The following CTNNA3 variants were observed in gnomAD, a reference collection of about 807,000 sequenced individuals.
The protein encoded by CTNNA3 is catenin alpha 3.
Under a neutral mutation model 95.7 loss-of-function variants are expected in CTNNA3, and 76 were observed. The observed-to-expected ratio is 0.79, with a 90% CI of 0.66 to 0.96. CTNNA3 has a LOEUF of 0.96. CTNNA3 is among the 40% of genes least tolerant of loss of function. The pLI is 0.00. For synonymous variants in CTNNA3, 431 were observed against 374.4 expected (o/e 1.15, Z -1.74); for missense variants, 1,191 against 1,089.8 (o/e 1.09, Z -1.31).
chr10:67,581,204 ATAGCTAT>A (rs2133319669), intron 3 of CTNNA3, among the ~76,000 whole-genome samples: 1 of 152,262 alleles, frequency 6.6e-6, no homozygotes, highest in South Asian at 2.1e-4. Context: ...TTTCTCATAA[ATAGCTAT>A]TATTATTTTG....
chr10:65,999,846 G>A (rs72791426), intron 15 of CTNNA3, among the ~76,000 whole-genome samples: 4,796 of 151,116 alleles, frequency 0.032, 94 homozygotes, highest in Non-Finnish European at 0.047. Flanking sequence ...AAGACCTAGA[G>A]AAGAAAGGGT....
chr10:66,177,072 A>G (rs181976099), intron 13 of CTNNA3, among the ~76,000 whole-genome samples: 1 of 152,148 alleles, frequency 6.6e-6, no homozygotes, highest in African/African-American at 2.4e-5. Flanking sequence ...TAACACTCAC[A>G]ATGCAGAATA....
At chr10:67,741,076 G>A (rs1470473298) in intron 1 of CTNNA3, among the ~76,000 whole-genome samples, 4 of 150,858 alleles carry the variant, frequency 2.7e-5, no homozygotes, top group East Asian at 1.9e-4. Flanking sequence ...AACAAACACC[G>A]CATATTCTCA....
rs1841328903 is a variant in CTNNA3 at position 67,740,384 on chromosome 10, G to A, written c.-2+23050C>T. Among the ~76,000 whole-genome samples, 2 of 151,402 alleles carry A rather than the reference G, an allele frequency of 1.3e-5. 1 individual carries two copies. The highest frequency in any genetic ancestry group is 1.3e-4 in the Admixed American group (2 of 15,166). On this transcript the variant is annotated intron_variant, in intron 1 of 17. Transcript: ENST00000684154. ...GAGTGAACAGGCAACCCACAAAATG[G>A]GAGAAAATTTTCACAGCCTGCTCAT...
At chr10:66,137,678 T>C (rs1486527059) in intron 13 of CTNNA3, among the ~76,000 whole-genome samples, 1 of 152,080 alleles carries the variant, frequency 6.6e-6, no homozygotes, top group Non-Finnish European at 1.5e-5. Context: ...CTGGGTTTGG[T>C]GCCTCATGCC....
intron 12 of CTNNA3, among the ~76,000 whole-genome samples, chr10:66,307,767 A>AT: frequency 6.6e-6 from 1 of 152,300 alleles, no homozygotes; most frequent in Admixed American, 6.5e-5. Flanking sequence ...CTGATAATTC[A>AT]TTTTTTGACA....
At chr10:66,436,501 C>CTTTTTTTTTTTTTTTTTTTTTT (rs34165061) in intron 11 of CTNNA3, among the ~76,000 whole-genome samples, 4 of 60,370 alleles carry the variant, frequency 6.6e-5, no homozygotes, top group Admixed American at 2.0e-4. Context: ...ACAATCCCTG[C>CTTTTTTTTTTTTTTTTTTTTTT]TTTTTTTTTT....
chr10:67,369,448 T>G (rs1337107042), intron 5 of CTNNA3, among the ~76,000 whole-genome samples: 1 of 152,202 alleles, frequency 6.6e-6, no homozygotes, highest in African/African-American at 2.4e-5. Flanking sequence ...CTTTTCAACC[T>G]TGGGCCTGCG....
intron 15 of CTNNA3, among the ~76,000 whole-genome samples, chr10:66,033,294 C>G (rs1221306308): frequency 6.6e-6 from 1 of 151,764 alleles, no homozygotes; most frequent in Non-Finnish European, 1.5e-5. Context: ...CCACGCCCGG[C>G]TAATTTTGTT....
intron 7 of CTNNA3, among the ~76,000 whole-genome samples, chr10:67,148,238 A>G (rs1860930755): frequency 6.6e-6 from 1 of 152,244 alleles, no homozygotes; most frequent in Non-Finnish European, 1.5e-5. Context: ...TGCCATTCTC[A>G]TTGCATACAG....
chr10:67,047,644 A>G (rs1379089963), intron 7 of CTNNA3, among the ~76,000 whole-genome samples: 2 of 152,114 alleles, frequency 1.3e-5, no homozygotes, highest in Non-Finnish European at 2.9e-5. Flanking sequence ...AGTTGCTACT[A>G]TATATTTATG....
At chr10:66,550,503 A>G (rs1842181963) in intron 10 of CTNNA3, among the ~76,000 whole-genome samples, 1 of 152,094 alleles carries the variant, frequency 6.6e-6, no homozygotes. Flanking sequence ...TCATTTACAT[A>G]TTTTCTATGA....
At chr10:66,684,947 A>T (rs1468673046) in intron 9 of CTNNA3, among the ~76,000 whole-genome samples, 1 of 151,738 alleles carries the variant, frequency 6.6e-6, no homozygotes, top group Non-Finnish European at 1.5e-5. Flanking sequence ...CATTTATTTT[A>T]AAAATAAGTG....
Position 66,595,192 on chromosome 10 carries a change from A to T in CTNNA3, c.1374+26500T>A, listed in dbSNP as rs1326501214. ...ACAACCAAAATCCAAGAATAGACGC[A>T]TTAAAAAGCACAAGAAAAACAATTT... On this transcript the variant is annotated intron_variant, in intron 10 of 17. Coordinates refer to ENST00000433211, the MANE Select transcript of CTNNA3 (RefSeq NM_013266.4). Among the ~76,000 whole-genome samples, 3 of 152,222 alleles carry T rather than the reference A, an allele frequency of 2.0e-5. No homozygotes were observed. The South Asian group carries it at 6.2e-4, about 32-fold the overall frequency.
intron 7 of CTNNA3, among the ~76,000 whole-genome samples, chr10:67,168,405 T>A (rs1861874165): frequency 1.3e-5 from 2 of 152,044 alleles, no homozygotes; most frequent in Admixed American, 6.6e-5. Context: ...GCAAACCGAA[T>A]CCAGCAGCAC....
At chr10:66,683,388 T>C (rs1046913941) in intron 9 of CTNNA3, among the ~76,000 whole-genome samples, 2 of 152,194 alleles carry the variant, frequency 1.3e-5, no homozygotes, top group African/African-American at 4.8e-5. Flanking sequence ...TAACTACTGA[T>C]ACTATTACAA....
At chr10:67,238,379 C>T (rs1380905561) in intron 5 of CTNNA3, among the ~76,000 whole-genome samples, 2 of 151,632 alleles carry the variant, frequency 1.3e-5, no homozygotes, top group Non-Finnish European at 2.9e-5. Context: ...ATTTTATGTG[C>T]TAGCCCAAAA....
At chr10:67,059,364 A>G (rs1026849262) in intron 7 of CTNNA3, among the ~76,000 whole-genome samples, 15 of 152,196 alleles carry the variant, frequency 9.9e-5, no homozygotes, top group African/African-American at 3.6e-4. Context: ...TTTAAGACCA[A>G]TGAGGTTTAA....
At chr10:66,504,046 AT>A (rs879282697) in intron 11 of CTNNA3, among the ~76,000 whole-genome samples, 9 of 152,212 alleles carry the variant, frequency 5.9e-5, no homozygotes, top group African/African-American at 9.6e-5. Context: ...ATACTTAATC[AT>A]TTTTTTATAG....
Sources: allele counts gnomAD v4.1 joint callset (sites outside exome capture counted in the v4.1 genomes callset), GRCh38; gene constraint gnomAD v4.1.1; transcripts MANE v1.5; gene names NCBI Gene and HGNC (gene_info 2026-07-23, HGNC 2026-07-21).